Variants in LRRC28 observed in about 807,000 individuals in gnomAD.
The protein encoded by LRRC28 is leucine-rich repeat-containing protein 28.
LRRC28 carries 39 observed loss-of-function variants against 45.7 expected under a neutral mutation model. The observed-to-expected ratio is 0.85, with a 90% confidence interval of 0.66 to 1.12. The LOEUF (loss-of-function observed/expected upper bound fraction) is 1.12. LRRC28 is among the 50% of genes most tolerant of loss of function. The probability of loss-of-function intolerance (pLI) is 0.00; values close to 1 mark genes in which losing one functional copy is unlikely to be tolerated. For missense variants in LRRC28, 435 were observed against 438.5 expected (o/e 0.99, Z 0.07); for synonymous variants, 206 against 178.8 (o/e 1.15, Z -1.22).
At chr15:99,385,622 A>G (rs1018663965) in intron 9 of LRRC28, among the ~76,000 whole-genome samples, 6 of 152,196 alleles carry the variant, frequency 3.9e-5, no homozygotes, top group Non-Finnish European at 5.9e-5. Context: ...TCTGTGGTAT[A>G]TATGTGTTCT....
chr15:99,353,695 A>G (rs1036617010), intron 7 of LRRC28: 5 of 152,248 alleles, frequency 3.3e-5, no homozygotes, highest in Non-Finnish European at 5.9e-5. Context: ...ACCATGGTAC[A>G]TAGAACGATG....
At chr15:99,317,530 G>A (rs954414256) in intron 5 of LRRC28, 6 of 152,206 alleles carry the variant, frequency 3.9e-5, no homozygotes, top group African/African-American at 1.4e-4. Context: ...TACTTGAGAT[G>A]TGTGTTGTTC....
chr15:99,251,911 A>G (rs2080812550), intron 1 of LRRC28: 1 of 152,220 alleles, frequency 6.6e-6, no homozygotes, highest in Non-Finnish European at 1.5e-5. Context: ...TGCTTTTAAT[A>G]TGTAGCTTAT....
At chr15:99,339,423 A>G (rs745880153) in intron 6 of LRRC28, among the ~76,000 whole-genome samples, 17 of 152,330 alleles carry the variant, frequency 1.1e-4, no homozygotes, top group East Asian at 9.6e-4. Flanking sequence ...TTCTTATTCA[A>G]TGTTAACTTA....
At position 99,276,692 on chromosome 15, in the gene LRRC28, C is replaced by A; in HGVS notation, c.209+76C>A. On this transcript the variant is annotated intron_variant, in intron 3 of 9. Transcript: ENST00000301981. ...AGTTGTTTGAAATAATAGGATATGT[C>A]ATCTTAATGTATTAATTTGTTATTT... The A allele has an allele frequency of 3.5e-6, 4 of 1,148,650 alleles. No individual in the cohort carries two copies. In the South Asian group the frequency reaches 5.7e-5, roughly 16 times the overall value. 71.2% of individuals were successfully genotyped at this position (1,148,650 alleles called of 1,614,324 possible).
At chr15:99,352,347 A>G in intron 6 of LRRC28, 22 bp from the exon 7 acceptor site, 1 of 1,529,444 alleles carries the variant, frequency 6.5e-7, no homozygotes, top group Non-Finnish European at 9.0e-7. Flanking sequence ...TAGGAATTAC[A>G]GCACTTTTCT....
At chr15:99,301,356 T>A (rs1278845764) in intron 5 of LRRC28, among the ~76,000 whole-genome samples, 1 of 152,224 alleles carries the variant, frequency 6.6e-6, no homozygotes, top group Non-Finnish European at 1.5e-5. Flanking sequence ...ATCTATTCTG[T>A]ACTTCTTAAT....
At chr15:99,344,830 C>T (rs1956628653) in intron 6 of LRRC28, among the ~76,000 whole-genome samples, 3 of 152,134 alleles carry the variant, frequency 2.0e-5, no homozygotes, top group Admixed American at 2.0e-4. Flanking sequence ...TCTGTCATGT[C>T]CCATTTTGTG....
intron 7 of LRRC28, among the ~76,000 whole-genome samples, chr15:99,357,740 A>G (rs1358516192): frequency 1.3e-5 from 2 of 152,182 alleles, no homozygotes; most frequent in Non-Finnish European, 2.9e-5. Flanking sequence ...TAAAATATCG[A>G]TAATTTATTC....
intron 1 of LRRC28, among the ~76,000 whole-genome samples, chr15:99,254,652 C>G (rs574006570): frequency 1.3e-5 from 2 of 152,310 alleles, no homozygotes; most frequent in South Asian, 4.1e-4. Context: ...TCCACTGGAC[C>G]TGGTATCAAA....
At chr15:99,251,602 C>T (rs2080786387) in intron 1 of LRRC28, 61 bp downstream of exon 1, 1 of 152,350 alleles carries the variant, frequency 6.6e-6, no homozygotes, top group Non-Finnish European at 1.5e-5. Flanking sequence ...GACCCGGCCC[C>T]CCGGCGGGGA....
At chr15:99,285,254 A>G (rs1233657463) in intron 3 of LRRC28, 1 of 734,162 alleles carries the variant, frequency 1.4e-6, no homozygotes. Context: ...AATGTCATCA[A>G]CAAATATCTT....
intron 5 of LRRC28, among the ~76,000 whole-genome samples, chr15:99,321,483 A>G (rs1955795685): frequency 1.3e-5 from 2 of 152,216 alleles, no homozygotes; most frequent in Non-Finnish European, 2.9e-5. Flanking sequence ...GAATACTCCC[A>G]TCACTTGCAT....
At chr15:99,321,941 A>G (rs934414567) in intron 5 of LRRC28, among the ~76,000 whole-genome samples, 2 of 152,204 alleles carry the variant, frequency 1.3e-5, no homozygotes, top group African/African-American at 4.8e-5. Flanking sequence ...GGATGCTACA[A>G]TTGAGAAATA....
At chr15:99,279,719 T>A (rs914732229) in intron 3 of LRRC28, among the ~76,000 whole-genome samples, 11 of 152,178 alleles carry the variant, frequency 7.2e-5, no homozygotes, top group African/African-American at 2.7e-4. Flanking sequence ...GTCATTTTTT[T>A]CTTGGATAAA....
Position 99,258,036 on chromosome 15 carries a change from A to G in LRRC28, c.168+1911A>G. The G allele has an allele frequency of 2.0e-5, 24 of 1,206,378 alleles. No homozygotes were observed. The South Asian group carries it at 2.9e-4, about 15-fold the overall frequency. The allele number at this position is 1,206,378 out of a possible 1,614,324, so 74.7% of individuals were successfully genotyped here. A position where few individuals can be genotyped will look rare whatever the true frequency, so the allele number is the denominator to read the frequency against. On this transcript the variant is annotated intron_variant, in intron 2 of 9. Coordinates refer to ENST00000301981, the MANE Select transcript of LRRC28 (RefSeq NM_144598.5). ...GAACTAACAGTCAAAATTAAGTGTG[A>G]TAAGGTGAAGAACCTACTGCATGTC...
At chr15:99,343,182 T>A (rs1012214481) in intron 6 of LRRC28, among the ~76,000 whole-genome samples, 2 of 152,256 alleles carry the variant, frequency 1.3e-5, no homozygotes, top group African/African-American at 4.8e-5. Context: ...TAATTTATTT[T>A]GATTGATTGC....
chr15:99,346,509 T>C (rs886522668), intron 6 of LRRC28, among the ~76,000 whole-genome samples: 1 of 152,186 alleles, frequency 6.6e-6, no homozygotes, highest in African/African-American at 2.4e-5. Context: ...AAAATTTGAA[T>C]CAAGACAGGA....
intron 5 of LRRC28, among the ~76,000 whole-genome samples, chr15:99,298,177 A>G (rs778030296): frequency 2.0e-5 from 3 of 152,250 alleles, no homozygotes; most frequent in Non-Finnish European, 2.9e-5. Context: ...TTTAAAAGCA[A>G]CTAACACTAT....
Sources: gnomAD v4.1 joint callset for allele counts (sites outside exome capture counted in the v4.1 genomes callset) on GRCh38, gnomAD v4.1.1 for gene constraint, MANE v1.5 for transcripts, NCBI Gene and HGNC (gene_info 2026-07-23, HGNC 2026-07-21) for gene names.